The following BANK1 variants were observed in gnomAD, a reference collection of about 807,000 sequenced individuals.
BANK1 encodes B cell scaffold protein with ankyrin repeats 1.
Under a neutral mutation model 94.5 loss-of-function variants are expected in BANK1, and 95 were observed. That is an observed-to-expected ratio of 1.00 (90% CI 0.85 to 1.19). The LOEUF (loss-of-function observed/expected upper bound fraction) is 1.19. BANK1 is among the 50% of genes most tolerant of loss of function. BANK1 has a pLI of 0.00. For synonymous variants in BANK1, 334 were observed against 308.4 expected, an observed-to-expected ratio of 1.08 and a Z score of -0.87; for missense variants, 987 against 932.2, an observed-to-expected ratio of 1.06 and a Z score of -0.77.
chr4:101,971,846 C>G (rs1333025207), intron 7 of BANK1, among the ~76,000 whole-genome samples: 1 of 152,010 alleles, frequency 6.6e-6, no homozygotes, highest in East Asian at 1.9e-4. Context: ...TCGTTGATAC[C>G]TTTCTTTTTC....
chr4:101,817,531 G>A (rs896185845), intron 1 of BANK1, among the ~76,000 whole-genome samples: 12 of 152,148 alleles, frequency 7.9e-5, no homozygotes, highest in Admixed American at 7.2e-4. Flanking sequence ...CTGTTGGAGG[G>A]TGAGGGGTGG....
intron 1 of BANK1, among the ~76,000 whole-genome samples, chr4:101,805,509 G>T (rs1725520416): frequency 6.6e-6 from 1 of 151,688 alleles, no homozygotes; most frequent in African/African-American, 2.4e-5. Flanking sequence ...TCTGAAAAAG[G>T]ACAAATAAAG....
At chr4:101,802,222 T>A (rs1182425439) in intron 1 of BANK1, among the ~76,000 whole-genome samples, 1 of 152,220 alleles carries the variant, frequency 6.6e-6, no homozygotes, top group Non-Finnish European at 1.5e-5. Context: ...ATCAGTGTCT[T>A]AATGATTTTT....
At chr4:101,864,746 C>T (rs766034021) in intron 4 of BANK1, among the ~76,000 whole-genome samples, 12 of 152,086 alleles carry the variant, frequency 7.9e-5, no homozygotes, top group Non-Finnish European at 1.3e-4. Context: ...TTAGGTTCAA[C>T]GAAGAATAAA....
intron 5 of BANK1, among the ~76,000 whole-genome samples, chr4:101,890,055 T>C (rs1721792121): frequency 6.6e-6 from 1 of 152,138 alleles, no homozygotes; most frequent in Non-Finnish European, 1.5e-5. Context: ...ATTCTAAATT[T>C]GTTAATATTT....
chr4:102,046,768 A>G (rs1727892915), intron 11 of BANK1, among the ~76,000 whole-genome samples: 1 of 152,154 alleles, frequency 6.6e-6, no homozygotes, highest in African/African-American at 2.4e-5. Context: ...AGTTTTCCCT[A>G]AAATGTTTGT....
chr4:102,059,947 C>T (rs756956187), intron 11 of BANK1, among the ~76,000 whole-genome samples: 4 of 152,144 alleles, frequency 2.6e-5, no homozygotes, highest in South Asian at 2.1e-4. Flanking sequence ...CATCAACTAG[C>T]GAAGTATATA....
intron 5 of BANK1, among the ~76,000 whole-genome samples, chr4:101,883,121 C>A (rs899967162): frequency 2.0e-5 from 3 of 152,132 alleles, no homozygotes; most frequent in Non-Finnish European, 4.4e-5. Flanking sequence ...ACATAAGTGA[C>A]ATTTCTTTTG....
chr4:101,817,778 GC>G (rs752869200), intron 1 of BANK1, among the ~76,000 whole-genome samples: 1 of 152,092 alleles, frequency 6.6e-6, no homozygotes, highest in Non-Finnish European at 1.5e-5. Context: ...ACCCAGGATG[GC>G]TTTGAATGTA....
intron 7 of BANK1, among the ~76,000 whole-genome samples, chr4:101,949,340 T>A (rs950768237): frequency 1.3e-5 from 2 of 152,004 alleles, no homozygotes; most frequent in Non-Finnish European, 2.9e-5. Context: ...GCCAAACCAA[T>A]ACACAAGGAC....
chr4:101,900,715 C>T (rs1009216899), intron 6 of BANK1, among the ~76,000 whole-genome samples: 29 of 152,086 alleles, frequency 1.9e-4, no homozygotes, highest in African/African-American at 6.8e-4. Flanking sequence ...AATAGAGGTG[C>T]TATGGCAAGA....
intron 7 of BANK1, among the ~76,000 whole-genome samples, chr4:102,000,033 G>C (rs1307973479): frequency 6.6e-6 from 1 of 152,094 alleles, no homozygotes; most frequent in Non-Finnish European, 1.5e-5. Flanking sequence ...GAAAATGAAA[G>C]AGATACCCGG....
chr4:101,819,495 T>A lies in BANK1; in HGVS notation c.71-10313T>A, dbSNP rs574554358. Reference sequence around the variant, plus strand: ...ATATAGAACCTTCATAGGCTATACATTTCAGGTTTACATTACATTTGTAAT... The same window carrying A: ...ATATAGAACCTTCATAGGCTATACAATTCAGGTTTACATTACATTTGTAAT... On this transcript the variant is annotated intron_variant, in intron 1 of 16. Coordinates refer to ENST00000322953, the MANE Select transcript of BANK1 (RefSeq NM_017935.5). Among the ~76,000 whole-genome samples the A allele has an allele frequency of 6.3e-4, 96 of 152,304 alleles. 1 individual carries two copies. In the South Asian group the frequency reaches 7.9e-3, roughly 12 times the overall value.
At position 102,025,338 on chromosome 4, in the gene BANK1, G is replaced by T; in HGVS notation, c.1423G>T (p.Val475Phe). The T allele has an allele frequency of 6.2e-7, 1 of 1,614,084 alleles. No individual in the cohort carries two copies. The highest frequency in any genetic ancestry group is 8.5e-7 in the Non-Finnish European group (1 of 1,180,020). ...GGAGACCAAACACAGCCCACTAGAG[G>T]TTGGCAGTGAGAGTTCTGAAGACCA... ...GMETKHSPLE[V>F]GSESSEDQYD... Residue 475 changes from valine to phenylalanine, a missense_variant, in exon 9 of 17, where the codon GTT (valine) becomes TTT (phenylalanine). Val to Phe is a conservative substitution (Grantham distance 50). Coordinates refer to ENST00000322953, the MANE Select transcript of BANK1 (RefSeq NM_017935.5).
intron 7 of BANK1, among the ~76,000 whole-genome samples, chr4:102,008,908 A>G (rs1387843980): frequency 6.6e-6 from 1 of 152,230 alleles, no homozygotes; most frequent in East Asian, 1.9e-4. Context: ...GCTCTTGTGC[A>G]AGCAAGTTCA....
intron 2 of BANK1, among the ~76,000 whole-genome samples, chr4:101,838,814 G>A (rs1289453845): frequency 6.6e-6 from 1 of 152,112 alleles, no homozygotes; most frequent in Non-Finnish European, 1.5e-5. Context: ...GGTAACCTCA[G>A]TAATTATTTT....
At chr4:101,966,456 C>CT (rs1435069555) in intron 7 of BANK1, among the ~76,000 whole-genome samples, 1 of 151,910 alleles carries the variant, frequency 6.6e-6, no homozygotes, top group African/African-American at 2.4e-5. Context: ...TGATAGACAT[C>CT]TTGGAGAGTA....
intron 7 of BANK1, among the ~76,000 whole-genome samples, chr4:101,957,636 T>A (rs1724392199): frequency 6.6e-6 from 1 of 152,158 alleles, no homozygotes; most frequent in Non-Finnish European, 1.5e-5. Context: ...ATATGAAAAA[T>A]TTGAAAGTGT....
At chr4:101,851,057 A>G (rs1358402489) in intron 2 of BANK1, among the ~76,000 whole-genome samples, 2 of 152,256 alleles carry the variant, frequency 1.3e-5, no homozygotes, top group Non-Finnish European at 2.9e-5. Context: ...GCTAAAAATA[A>G]TTAAGCTTAG....
Sources: allele counts gnomAD v4.1 joint callset (sites outside exome capture counted in the v4.1 genomes callset), GRCh38; gene constraint gnomAD v4.1.1; transcripts MANE v1.5; gene names NCBI Gene and HGNC (gene_info 2026-07-23, HGNC 2026-07-21).